U2SURP: variants seen among roughly 807,000 people sequenced by gnomAD.
U2SURP encodes U2 snRNP-associated SURP motif-containing protein.
Under a neutral mutation model 144.9 loss-of-function variants are expected in U2SURP, and 9 were observed. The ratio of observed to expected loss-of-function variants is 0.06; its 90% CI spans 0.04 to 0.11. U2SURP has a LOEUF of 0.11. Ranked by LOEUF, U2SURP falls within the 10% of genes least tolerant of loss-of-function variation. The pLI is 1.00. For missense variants in U2SURP, 724 were observed against 1,226.7 expected (o/e 0.59, Z 6.12); for synonymous variants, 408 against 396.8 (o/e 1.03, Z -0.33).
At chr3:143,013,230 A>G (rs1018664569) in intron 3 of U2SURP, among the ~76,000 whole-genome samples, 4 of 152,066 alleles carry the variant, frequency 2.6e-5, no homozygotes, top group African/African-American at 4.8e-5. Flanking sequence ...CATTTAATTC[A>G]TATATAATTT....
intron 1 of U2SURP, among the ~76,000 whole-genome samples, chr3:143,004,057 A>G (rs1307580204): frequency 6.6e-6 from 1 of 152,120 alleles, no homozygotes; most frequent in African/African-American, 2.4e-5. Context: ...TTTGGCTAAT[A>G]CTACAGTATT....
At chr3:143,047,156 G>A (rs1202073862) in intron 24 of U2SURP, among the ~76,000 whole-genome samples, 10 of 100,420 alleles carry the variant, frequency 1.0e-4, no homozygotes, top group Admixed American at 5.1e-4. Context: ...CGGACGGGGC[G>A]GCTGGCCAGG....
At chr3:143,051,511 A>C (rs558229868) in intron 25 of U2SURP, among the ~76,000 whole-genome samples, 2 of 145,586 alleles carry the variant, frequency 1.4e-5, no homozygotes, top group African/African-American at 5.0e-5. Context: ...TGTTTGAGGG[A>C]CTTTATATTC....
chr3:143,019,838 A>C, intron 6 of U2SURP, 131 bp from the exon 7 acceptor site: 1 of 426,072 alleles, frequency 2.3e-6, no homozygotes. Context: ...TAAGAAAAGC[A>C]TTCTTCCTTT....
At chr3:143,003,397 C>T (rs1171561479) in intron 1 of U2SURP, among the ~76,000 whole-genome samples, 1 of 152,064 alleles carries the variant, frequency 6.6e-6, no homozygotes, top group African/African-American at 2.4e-5. Flanking sequence ...ATTATATTTG[C>T]GATAATAAGG....
chr3:143,031,667 T>A (rs1288696310), intron 16 of U2SURP, among the ~76,000 whole-genome samples: 1 of 152,218 alleles, frequency 6.6e-6, no homozygotes, highest in Non-Finnish European at 1.5e-5. Context: ...TTACATGCAC[T>A]GGGAAATCAA....
At chr3:143,025,397 A>G (rs1017632659) in intron 13 of U2SURP, among the ~76,000 whole-genome samples, 2 of 152,132 alleles carry the variant, frequency 1.3e-5, no homozygotes, top group Non-Finnish European at 2.9e-5. Context: ...TTGCTAAACA[A>G]TTTTCCTCTA....
In U2SURP at chr3:143,010,823, A is replaced by G; in HGVS notation, c.54A>G (p.Ser18=). ...GSQKASSKTR[S]SDVHSSGSSD... is the part of the protein sequence containing the mutation. ...ATTTTTGATACTTGTAGACGAGATCATCAGATGTTCATTCATCTGGATCTT... is the reference window on the plus strand; with the variant it reads ...ATTTTTGATACTTGTAGACGAGATCGTCAGATGTTCATTCATCTGGATCTT... Residue 18 remains serine, a synonymous_variant, in exon 2 of 28, where the codon TCA becomes TCG. Transcript: ENST00000473835. 1 of 1,607,638 alleles carries G rather than the reference A, an allele frequency of 6.2e-7. No homozygotes were observed. The highest frequency in any genetic ancestry group is 1.1e-5 in the South Asian group (1 of 90,372).
chr3:143,004,926 C>T (rs1935757270), intron 1 of U2SURP, among the ~76,000 whole-genome samples: 2 of 151,860 alleles, frequency 1.3e-5, no homozygotes, highest in Middle Eastern at 3.4e-3. Context: ...AGAGAGAGAG[C>T]CTGTAATTGT....
intron 2 of U2SURP, among the ~76,000 whole-genome samples, chr3:143,011,636 A>G (rs1936123952): frequency 6.6e-6 from 1 of 152,134 alleles, no homozygotes; most frequent in African/African-American, 2.4e-5. Context: ...CCCACCAGGC[A>G]CAATAATTTC....
Position 143,060,349 on chromosome 3 carries a change from CT to C in U2SURP, c.*3903del, listed in dbSNP as rs1935323839. ...AAAATATTCTACAGCAAGACAATTT[CT>C]TTTGGGTGAACTGATTCTATAATTT... On this transcript the variant is annotated 3_prime_UTR_variant, in exon 28 of 28. Coordinates refer to ENST00000473835, the MANE Select transcript of U2SURP (RefSeq NM_001080415.2). The C allele has an allele frequency of 1.3e-5, 2 of 152,014 alleles. No homozygotes were observed. The highest frequency in any genetic ancestry group is 2.9e-5 in the Non-Finnish European group (2 of 67,842). The allele number at this position is 152,014 out of a possible 1,614,324, so 9.4% of individuals were successfully genotyped here.
At chr3:143,017,103 G>T in intron 6 of U2SURP, 128 bp downstream of exon 6, 3 of 821,888 alleles carry the variant, frequency 3.7e-6, no homozygotes, top group Non-Finnish European at 5.3e-6. Flanking sequence ...GTTAAGTTTT[G>T]ATGCTTTCTA....
At chr3:143,050,379 G>T (rs1934793117) in intron 24 of U2SURP, among the ~76,000 whole-genome samples, 1 of 152,096 alleles carries the variant, frequency 6.6e-6, no homozygotes, top group African/African-American at 2.4e-5. Context: ...GGCCTGGTCT[G>T]TTTTAATCAG....
chr3:143,033,950 A>G (rs1043045917), intron 18 of U2SURP, among the ~76,000 whole-genome samples: 1 of 152,234 alleles, frequency 6.6e-6, no homozygotes, highest in African/African-American at 2.4e-5. Context: ...AGCTATTCAT[A>G]TAATAAATAG....
chr3:143,046,422 C>A (rs1227083611), intron 24 of U2SURP, among the ~76,000 whole-genome samples: 1 of 135,706 alleles, frequency 7.4e-6, no homozygotes, highest in Non-Finnish European at 1.6e-5. Context: ...AGCAGATAAA[C>A]AAGTGAACAA....
At position 143,057,800 on chromosome 3, in the gene U2SURP, C is replaced by T. The variant is rs1466031847; in HGVS notation, c.*1350C>T. On this transcript the variant is annotated 3_prime_UTR_variant, in exon 28 of 28. Coordinates refer to ENST00000473835, the MANE Select transcript of U2SURP (RefSeq NM_001080415.2). ...GATTTAGCTTGCTTTTTAAAAAAATCTTTTCAACTTGTTTTACTTAATCTT... is the reference window on the plus strand; with the variant it reads ...GATTTAGCTTGCTTTTTAAAAAAATTTTTTCAACTTGTTTTACTTAATCTT... The T allele has an allele frequency of 6.6e-6, 1 of 151,808 alleles. No homozygotes were observed. Among genetic ancestry groups the T allele is most frequent in the Non-Finnish European group, 1.5e-5 (1 of 67,742 alleles). 9.4% of individuals were successfully genotyped at this position (151,808 alleles called of 1,614,324 possible).
chr3:143,003,677 C>A (rs79414101), intron 1 of U2SURP, among the ~76,000 whole-genome samples: 1 of 101,526 alleles, frequency 9.8e-6, no homozygotes, highest in African/African-American at 3.5e-5. Context: ...TATTTTATTT[C>A]TTTTTTTTTT....
rs1314979874 is a variant in U2SURP, at chr3:143,012,315, G to C, written c.184G>C (p.Glu62Gln). 9.3e-6 allele frequency: 15 copies of C among 1,612,752 alleles called. No individual in the cohort carries two copies. Among genetic ancestry groups the C allele is most frequent in the Non-Finnish European group, 1.3e-5 (15 of 1,179,176 alleles). Residue 62 changes from glutamate to glutamine, a missense_variant, in exon 3 of 28, where the codon GAA becomes CAA. Glu to Gln is a conservative substitution (Grantham distance 29). Transcript: ENST00000473835. ...TAATTATAGGAATGAAAGTGCCCGT[G>C]AAAGCCTTTGTGATTCTCCTCATCA... Reference protein sequence around the residue: ...KHNYRNESARESLCDSPHQNL... With the variant: ...KHNYRNESARQSLCDSPHQNL...
chr3:143,029,559 C>T (rs1933356043), intron 16 of U2SURP, among the ~76,000 whole-genome samples: 1 of 152,174 alleles, frequency 6.6e-6, no homozygotes, highest in Non-Finnish European at 1.5e-5. Flanking sequence ...TAGCTGTTTT[C>T]CCTTAGGCCT....
Sources: gnomAD v4.1 joint callset for allele counts (sites outside exome capture counted in the v4.1 genomes callset) on GRCh38, gnomAD v4.1.1 for gene constraint, MANE v1.5 for transcripts, NCBI Gene and HGNC (gene_info 2026-07-23, HGNC 2026-07-21) for gene names.